SNX29: variants seen among roughly 807,000 people sequenced by gnomAD.
SNX29 encodes the protein sorting nexin 29, also known as sorting nexin-29.
In SNX29, 78 loss-of-function variants were observed where a neutral mutation model predicts 102.1. The ratio of observed to expected loss-of-function variants is 0.76; its 90% CI spans 0.64 to 0.92. SNX29 has a LOEUF of 0.92. Among genes scored for constraint, SNX29 ranks in the 40% least tolerant of loss-of-function variants. The pLI is 0.00. For synonymous variants in SNX29, 580 were observed against 414.5 expected, an observed-to-expected ratio of 1.40 and a Z score of -4.85; for missense variants, 1,280 against 1,061.7, an observed-to-expected ratio of 1.21 and a Z score of -2.86.
chr16:12,185,392 T>G (rs1239574921), intron 13 of SNX29, among the ~76,000 whole-genome samples: 1 of 152,184 alleles, frequency 6.6e-6, no homozygotes, highest in Non-Finnish European at 1.5e-5. Context: ...ACCTAGATTT[T>G]TAAGGGAAAT....
chr16:12,398,426 C>A lies in SNX29; in HGVS notation c.1900-20C>A. On this transcript the variant is annotated intron_variant, in intron 16 of 20. Coordinates refer to ENST00000566228, the MANE Select transcript of SNX29 (RefSeq NM_032167.5). ...CCATTATGCATTTTTTCTCCCCTCT[C>A]CCCCTTCTCCTGATGGTAGGTGCCT... 1 of 1,613,854 alleles carries A rather than the reference C, an allele frequency of 6.2e-7. No individual in the cohort carries two copies. The highest frequency in any genetic ancestry group is 8.5e-7 in the Non-Finnish European group (1 of 1,179,742).
chr16:12,377,124 C>T (rs988496717), intron 16 of SNX29, among the ~76,000 whole-genome samples: 6 of 152,164 alleles, frequency 3.9e-5, no homozygotes, highest in African/African-American at 1.2e-4. Context: ...CCTATACAAG[C>T]CTTTCTGCTG....
At chr16:12,552,888 G>T (rs913771938) in intron 20 of SNX29, among the ~76,000 whole-genome samples, 1 of 152,264 alleles carries the variant, frequency 6.6e-6, no homozygotes, top group African/African-American at 2.4e-5. Context: ...CATGGACATG[G>T]AGGCAGGAGA....
chr16:12,220,506 G>T (rs1051210080), intron 14 of SNX29, among the ~76,000 whole-genome samples: 1 of 152,142 alleles, frequency 6.6e-6, no homozygotes, highest in Admixed American at 6.5e-5. Context: ...TTATCCTCAG[G>T]CTAGGGGGAC....
intron 18 of SNX29, among the ~76,000 whole-genome samples, chr16:12,425,534 A>C (rs1466778793): frequency 9.3e-6 from 1 of 107,590 alleles, no homozygotes; most frequent in Admixed American, 1.0e-4. Context: ...AGAGTTAAAA[A>C]AAAAAAAAAA....
At chr16:12,472,461 G>A (rs902855943) in intron 18 of SNX29, among the ~76,000 whole-genome samples, 3 of 149,140 alleles carry the variant, frequency 2.0e-5, no homozygotes, top group Admixed American at 1.3e-4. Flanking sequence ...GGAGGTTGCA[G>A]TGAGCTGAGA....
intron 19 of SNX29, among the ~76,000 whole-genome samples, chr16:12,511,337 A>G (rs2089609426): frequency 6.6e-6 from 1 of 152,188 alleles, no homozygotes; most frequent in South Asian, 2.1e-4. Flanking sequence ...TAGAGAAGCC[A>G]CTGAATCTCT....
chr16:12,445,073 A>G lies in SNX29; in HGVS notation c.2038-32646A>G, dbSNP rs556785465. On this transcript the variant is annotated intron_variant, in intron 18 of 20. Transcript: ENST00000566228. ...ACCATGTTGGCCAGGCTGATCTTGAACTCCTGACCTGAAGTGATCTACCCA... is the reference window on the plus strand; with the variant it reads ...ACCATGTTGGCCAGGCTGATCTTGAGCTCCTGACCTGAAGTGATCTACCCA... Among the ~76,000 whole-genome samples, 4 of 149,624 alleles carry G rather than the reference A, an allele frequency of 2.7e-5. No homozygotes were observed. The South Asian group carries it at 6.3e-4, about 24-fold the overall frequency.
At chr16:12,082,180 G>A (rs548115738) in intron 11 of SNX29, among the ~76,000 whole-genome samples, 2 of 152,178 alleles carry the variant, frequency 1.3e-5, no homozygotes, top group South Asian at 2.1e-4. Context: ...CTACTGTAAA[G>A]AACACTGCGT....
intron 12 of SNX29, among the ~76,000 whole-genome samples, 173 bp from the exon 13 acceptor site, chr16:12,129,457 A>G (rs182930127): frequency 7.9e-5 from 12 of 152,350 alleles, no homozygotes; most frequent in Admixed American, 7.2e-4. Context: ...CTCTAAGGCT[A>G]TCAATTAGAG....
rs2079180097 is a variant in SNX29, at chr16:12,571,191, T to C, written c.*2562T>C. The C allele has an allele frequency of 4.3e-6, 1 of 232,174 alleles. No homozygotes were observed. Among genetic ancestry groups the C allele is most frequent in the African/African-American group, 2.2e-5 (1 of 45,144 alleles). 14.4% of individuals were successfully genotyped at this position (232,174 alleles called of 1,614,324 possible). A position where few individuals can be genotyped will look rare whatever the true frequency, so the allele number is the denominator to read the frequency against. ...TGCTCTCTAGTGTGGTGGGATGAAC[T>C]TCAGGCAACAAACAACTGGCAGGGT... On this transcript the variant is annotated 3_prime_UTR_variant, in exon 21 of 21. Coordinates refer to ENST00000566228, the MANE Select transcript of SNX29 (RefSeq NM_032167.5).
chr16:12,458,398 A>G (rs2086627780), intron 18 of SNX29, among the ~76,000 whole-genome samples: 1 of 152,228 alleles, frequency 6.6e-6, no homozygotes, highest in Non-Finnish European at 1.5e-5. Flanking sequence ...CAGAGGAGGA[A>G]GAAGCATCAA....
chr16:12,157,767 C>T (rs1430123252), intron 13 of SNX29, among the ~76,000 whole-genome samples: 1 of 152,052 alleles, frequency 6.6e-6, no homozygotes, highest in African/African-American at 2.4e-5. Flanking sequence ...GAGTGGTGCC[C>T]TATTCCCTAC....
chr16:12,554,894 G>T (rs1038761202), intron 20 of SNX29, among the ~76,000 whole-genome samples: 2 of 152,164 alleles, frequency 1.3e-5, no homozygotes, highest in Non-Finnish European at 2.9e-5. Context: ...TGCCATACAG[G>T]ACAGGCAGTG....
intron 13 of SNX29, among the ~76,000 whole-genome samples, chr16:12,180,911 T>A (rs2141832971): frequency 6.6e-6 from 1 of 152,310 alleles, no homozygotes; most frequent in South Asian, 2.1e-4. Context: ...TTTCTGAGCT[T>A]TCCTGGCTCT....
intron 14 of SNX29, among the ~76,000 whole-genome samples, chr16:12,203,296 C>G (rs563689454): frequency 1.3e-5 from 2 of 152,088 alleles, no homozygotes; most frequent in South Asian, 4.1e-4. Flanking sequence ...CTCAGGTGGA[C>G]TGGTGGTATT....
intron 16 of SNX29, among the ~76,000 whole-genome samples, chr16:12,395,924 T>C (rs868747130): frequency 4.6e-5 from 7 of 152,244 alleles, no homozygotes; most frequent in Non-Finnish European, 1.0e-4. Context: ...TTAATTATCA[T>C]CATGCATTTG....
At chr16:12,510,718 C>T (rs555814785) in intron 19 of SNX29, among the ~76,000 whole-genome samples, 2 of 152,036 alleles carry the variant, frequency 1.3e-5, no homozygotes, top group African/African-American at 4.8e-5. Context: ...AGCCTTTTTC[C>T]TCCTCTCCTC....
At chr16:12,227,566 TG>T (rs945709381) in intron 14 of SNX29, among the ~76,000 whole-genome samples, 1 of 152,064 alleles carries the variant, frequency 6.6e-6, no homozygotes, top group African/African-American at 2.4e-5. Context: ...CACAAATCTA[TG>T]GGGGGAAAGT....
Sources: gnomAD v4.1 joint callset for allele counts (sites outside exome capture counted in the v4.1 genomes callset) on GRCh38, gnomAD v4.1.1 for gene constraint, MANE v1.5 for transcripts, NCBI Gene and HGNC (gene_info 2026-07-23, HGNC 2026-07-21) for gene names.